The following COPG2 variants were observed in gnomAD, a reference collection of about 807,000 sequenced individuals.
The protein encoded by COPG2 is coatomer subunit gamma-2.
COPG2 carries 37 observed loss-of-function variants against 46.3 expected under a neutral mutation model. The observed-to-expected ratio is 0.80, with a 90% CI of 0.61 to 1.05. The LOEUF is 1.05. COPG2 is among the 50% of genes least tolerant of loss of function. The pLI, the probability that COPG2 is intolerant of heterozygous loss-of-function variation, is 0.00. For synonymous variants in COPG2, 159 were observed against 129.7 expected, an observed-to-expected ratio of 1.23 and a Z score of -1.53; for missense variants, 427 against 387.8, an observed-to-expected ratio of 1.10 and a Z score of -0.85.
At chr7:130,598,607 G>A (rs1794574104) in intron 9 of COPG2, among the ~76,000 whole-genome samples, 1 of 152,206 alleles carries the variant, frequency 6.6e-6, no homozygotes, top group South Asian at 2.1e-4. Flanking sequence ...GGTATGGCAC[G>A]ATTTGGATCC....
rs1197540092 is a variant in COPG2, at chr7:130,513,308, A to AATATATAT, written c.2150-4657_2150-4650dup. On this transcript the variant is annotated intron_variant, in intron 20 of 23. Transcript: ENST00000425248. ...TTCTGTCTAAAAAAAAAAAAAAAAA[A>AATATATAT]ATATATATATATATATATATATATA... Among the ~76,000 whole-genome samples the AATATATAT allele has an allele frequency of 1.2e-3, 65 of 55,638 alleles. 1 individual carries two copies. Among genetic ancestry groups the AATATATAT allele is most frequent in the South Asian group, 2.1e-3 (3 of 1,418 alleles). 36.5% of individuals were successfully genotyped at this position (55,638 alleles called of 152,430 possible). A position where few individuals can be genotyped will look rare whatever the true frequency, so the allele number is the denominator to read the frequency against.
intron 4 of COPG2, among the ~76,000 whole-genome samples, chr7:130,659,929 G>T (rs936301622): frequency 8.7e-4 from 132 of 152,234 alleles, no homozygotes; most frequent in African/African-American, 2.8e-3. Flanking sequence ...TGCAAAAGAA[G>T]AAGATGTTAT....
At chr7:130,591,806 G>A (rs1401388461) in intron 9 of COPG2, among the ~76,000 whole-genome samples, 3 of 150,572 alleles carry the variant, frequency 2.0e-5, no homozygotes, top group Non-Finnish European at 3.0e-5. Context: ...CCGGCCAGCC[G>A]CCCCATCCGG....
At chr7:130,525,081 G>A (rs2116350995) in intron 20 of COPG2, among the ~76,000 whole-genome samples, 1 of 152,146 alleles carries the variant, frequency 6.6e-6, no homozygotes, top group East Asian at 1.9e-4. Context: ...TGAATCCTGA[G>A]GAGAAAAAGA....
intron 20 of COPG2, among the ~76,000 whole-genome samples, chr7:130,537,672 G>A (rs1424069914): frequency 6.6e-6 from 1 of 152,242 alleles, no homozygotes; most frequent in Non-Finnish European, 1.5e-5. Context: ...AGCTTACAGA[G>A]GTGAGCTTGT....
chr7:130,542,656 G>T (rs1321549833), intron 20 of COPG2, among the ~76,000 whole-genome samples: 16 of 152,172 alleles, frequency 1.1e-4, no homozygotes, highest in African/African-American at 3.6e-4. Context: ...AACACTGTGT[G>T]TAGACTGTGC....
At chr7:130,537,620 A>G (rs1243183344) in intron 20 of COPG2, among the ~76,000 whole-genome samples, 2 of 152,054 alleles carry the variant, frequency 1.3e-5, no homozygotes, top group Admixed American at 6.5e-5. Flanking sequence ...GTGTTCCCCA[A>G]TGGGCAAGAA....
chr7:130,574,650 C>G (rs1793972851), intron 9 of COPG2, among the ~76,000 whole-genome samples: 1 of 151,940 alleles, frequency 6.6e-6, no homozygotes, highest in South Asian at 2.1e-4. Flanking sequence ...AACACCTCCC[C>G]CCCCAAAAAA....
intron 20 of COPG2, among the ~76,000 whole-genome samples, chr7:130,527,599 T>C (rs1799786179): frequency 6.6e-6 from 1 of 151,742 alleles, no homozygotes; most frequent in Non-Finnish European, 1.5e-5. Flanking sequence ...ACATAGACAA[T>C]AGCAAAAGAA....
intron 5 of COPG2, among the ~76,000 whole-genome samples, chr7:130,650,760 G>C (rs1388919403): frequency 1.3e-5 from 2 of 152,168 alleles, no homozygotes; most frequent in African/African-American, 4.8e-5. Flanking sequence ...TGATGAAAGA[G>C]GCAGATGGTG....
Position 130,506,516 on chromosome 7 carries a change from G to C in COPG2, c.*160C>G, listed in dbSNP as rs1799489364. Reference sequence around the variant, plus strand: ...AAAAAAAAAACAACCCATGCGCAAAGATAGACATTTGCTTGATCTGCTGGC... The same window carrying C: ...AAAAAAAAAACAACCCATGCGCAAACATAGACATTTGCTTGATCTGCTGGC... On this transcript the variant is annotated 3_prime_UTR_variant, in exon 24 of 24. Coordinates refer to ENST00000425248, the MANE Select transcript of COPG2 (RefSeq NM_012133.6). The C allele has an allele frequency of 6.7e-6, 3 of 445,644 alleles. No individual in the cohort carries two copies. The highest frequency in any genetic ancestry group is 4.1e-5 in the Admixed American group (1 of 24,412). 27.6% of individuals were successfully genotyped at this position (445,644 alleles called of 1,614,324 possible). A position where few individuals can be genotyped will look rare whatever the true frequency, so the allele number is the denominator to read the frequency against.
At chr7:130,524,026 T>C (rs1265199152) in intron 20 of COPG2, among the ~76,000 whole-genome samples, 1 of 151,784 alleles carries the variant, frequency 6.6e-6, no homozygotes, top group Non-Finnish European at 1.5e-5. Context: ...AAAAGTGCTG[T>C]GGTGACAGGA....
intron 5 of COPG2, among the ~76,000 whole-genome samples, chr7:130,619,986 A>G (rs1481808069): frequency 2.0e-5 from 3 of 152,206 alleles, no homozygotes; most frequent in Non-Finnish European, 4.4e-5. Context: ...TTCTCTCCAC[A>G]GTACAAGTTA....
chr7:130,584,262 C>G (rs913294102), intron 9 of COPG2, among the ~76,000 whole-genome samples: 4 of 152,036 alleles, frequency 2.6e-5, no homozygotes, highest in South Asian at 2.1e-4. Flanking sequence ...ATCCAGCATC[C>G]CTTTATGATT....
At chr7:130,590,410 C>T (rs1794374017) in intron 9 of COPG2, among the ~76,000 whole-genome samples, 1 of 152,242 alleles carries the variant, frequency 6.6e-6, no homozygotes, top group Non-Finnish European at 1.5e-5. Context: ...TGCGCGCCGC[C>T]ACGCCTGACT....
At chr7:130,599,203 A>G (rs1794585914) in intron 9 of COPG2, among the ~76,000 whole-genome samples, 1 of 152,260 alleles carries the variant, frequency 6.6e-6, no homozygotes, top group Admixed American at 6.5e-5. Context: ...TGAGACAGGA[A>G]TAATACTGGG....
chr7:130,613,681 T>G, intron 6 of COPG2, 45 bp from the exon 7 acceptor site: 1 of 1,202,888 alleles, frequency 8.3e-7, no homozygotes, highest in Non-Finnish European at 1.2e-6. Flanking sequence ...AAAACATGCT[T>G]ATGCAAAATT....
chr7:130,626,970 C>A (rs1795131777), intron 5 of COPG2, among the ~76,000 whole-genome samples: 1 of 152,142 alleles, frequency 6.6e-6, no homozygotes, highest in Non-Finnish European at 1.5e-5. Context: ...GGCAAACCTC[C>A]ACCTCCCAGG....
At chr7:130,568,954 G>A (rs1793849209) in intron 9 of COPG2, among the ~76,000 whole-genome samples, 1 of 152,148 alleles carries the variant, frequency 6.6e-6, no homozygotes, top group Non-Finnish European at 1.5e-5. Context: ...ATCTGCTCCT[G>A]AATGATTGTC....
Sources: gnomAD v4.1 joint callset for allele counts (sites outside exome capture counted in the v4.1 genomes callset) on GRCh38, gnomAD v4.1.1 for gene constraint, MANE v1.5 for transcripts, NCBI Gene and HGNC (gene_info 2026-07-23, HGNC 2026-07-21) for gene names.